Variants in CCDC88C observed in about 807,000 individuals in gnomAD.
CCDC88C encodes protein Daple.
In CCDC88C, 131 loss-of-function variants were observed where a neutral mutation model predicts 198.8. The observed-to-expected ratio is 0.66, with a 90% CI of 0.57 to 0.76. The LOEUF is 0.76. Ranked by LOEUF, CCDC88C falls within the 30% of genes least tolerant of loss-of-function variation. CCDC88C has a pLI of 0.00. For missense variants in CCDC88C, 2,553 were observed against 2,631.6 expected (o/e 0.97, Z 0.65); for synonymous variants, 1,166 against 1,114.7 (o/e 1.05, Z -0.92).
Position 91,325,762 on chromosome 14 carries a change from TG to T in CCDC88C, c.1197+147del. 1 of 687,860 alleles carries T rather than the reference TG, an allele frequency of 1.5e-6. No individual in the cohort carries two copies. The highest frequency in any genetic ancestry group is 2.4e-6 in the Non-Finnish European group (1 of 420,048). The allele number at this position is 687,860 out of a possible 1,614,324, so 42.6% of individuals were successfully genotyped here. ...CCCAATTATTTAGTTTTCGTAGAGA[TG>T]GGGCCTCGCTAGGTTGCCAGGGTTA... is the stretch of plus-strand genomic sequence containing the variant. On this transcript the variant is annotated intron_variant, in intron 11 of 29. Transcript: ENST00000389857. This position sits in a 1 kb window ranked among gnomAD's most constrained non-coding sequence, Gnocchi z 4.1.
chr14:91,330,444 G>A (rs1265408661), intron 10 of CCDC88C, among the ~76,000 whole-genome samples: 1 of 152,222 alleles, frequency 6.6e-6, no homozygotes, highest in East Asian at 1.9e-4. Context: ...CAGCAGGACA[G>A]ACAGAGGCAG....
chr14:91,308,634 G>C, intron 16 of CCDC88C, 142 bp from the exon 17 acceptor site: 1 of 864,796 alleles, frequency 1.2e-6, no homozygotes, highest in Non-Finnish European at 1.8e-6. Context: ...GAACTCACGA[G>C]CCAAAACTCA....
At chr14:91,331,526 G>A (rs538660864) in intron 10 of CCDC88C, among the ~76,000 whole-genome samples, 6 of 150,726 alleles carry the variant, frequency 4.0e-5, no homozygotes, top group African/African-American at 7.3e-5. Context: ...ATGTGCACAC[G>A]TGTGTGTGCG....
intron 4 of CCDC88C, among the ~76,000 whole-genome samples, chr14:91,359,382 C>A (rs1053908259): frequency 5.9e-5 from 9 of 152,164 alleles, no homozygotes; most frequent in African/African-American, 1.9e-4. Flanking sequence ...CATGATCCGG[C>A]CGCCTGGGCC....
chr14:91,273,242 C>A lies in CCDC88C; in HGVS notation c.5470G>T (p.Glu1824Ter). The change falls in exon 30 of 30, where the codon GAG (glutamate) becomes TAG (stop). Residue 1824 changes from glutamate to a stop codon, truncating the protein, a stop_gained. Transcript: ENST00000389857. LOFTEE classifies it low-confidence loss of function (END_TRUNC). This position sits in a 1 kb window ranked among gnomAD's most constrained non-coding sequence, Gnocchi z 5.6. ...RASGPEACKQ[E>*]SPQKLGAPEA... is the part of the protein sequence containing the mutation. The stretch of plus-strand genomic sequence containing the variant: ...GGAGCCCCCAGCTTCTGAGGGGACT[C>A]CTGTTTGCAGGCCTCTGGCCCGCTG... The A allele has an allele frequency of 6.4e-7, 1 of 1,559,894 alleles. No individual in the cohort carries two copies. The highest frequency in any genetic ancestry group is 8.7e-7 in the Non-Finnish European group (1 of 1,151,910).
rs1890531287 is a variant in CCDC88C at position 91,288,827 on chromosome 14, C to T, written c.4441+278G>A. 3.3e-6 allele frequency: 1 copy of T among 307,164 alleles called. No homozygotes were observed. Among genetic ancestry groups the T allele is most frequent in the East Asian group, 5.8e-5 (1 of 17,218 alleles). The allele number at this position is 307,164 out of a possible 1,614,324, so 19.0% of individuals were successfully genotyped here. ...GCTGAGGCAGGAGAATCACTTGAAC[C>T]TGGGAGGCAGCCAGGCTGCACTCTA... On this transcript the variant is annotated intron_variant, in intron 25 of 29. Transcript: ENST00000389857. This position sits in a 1 kb window ranked among gnomAD's most constrained non-coding sequence, Gnocchi z 4.2.
At chr14:91,321,078 A>G (rs746999694) in intron 13 of CCDC88C, 42 bp downstream of exon 13, 8 of 1,548,376 alleles carry the variant, frequency 5.2e-6, no homozygotes, top group Middle Eastern at 2.4e-4. Flanking sequence ...AGGGTGCCCA[A>G]GGGTTCTGTG....
chr14:91,363,680 A>G (rs376425836), intron 3 of CCDC88C, among the ~76,000 whole-genome samples: 1 of 152,272 alleles, frequency 6.6e-6, no homozygotes, highest in East Asian at 1.9e-4. Flanking sequence ...ACTGAGTACC[A>G]GTTTTTAAAT....
chr14:91,311,627 C>A (rs1891827817), intron 15 of CCDC88C, among the ~76,000 whole-genome samples: 1 of 152,226 alleles, frequency 6.6e-6, no homozygotes. Flanking sequence ...AGGGTCCCCA[C>A]ACTAGACCCT....
intron 3 of CCDC88C, among the ~76,000 whole-genome samples, chr14:91,372,528 C>CGG (rs199749681): frequency 0.014 from 348 of 24,496 alleles, 7 homozygotes; most frequent in East Asian, 0.063. Context: ...GGCAGTGGTG[C>CGG]GGGGGGGGGC....
chr14:91,381,393 C>T lies in CCDC88C; in HGVS notation c.271-21682G>A, dbSNP rs1884781636. Among the ~76,000 whole-genome samples, 1 of 152,214 alleles carries T rather than the reference C, an allele frequency of 6.6e-6. No homozygotes were observed. Among genetic ancestry groups the T allele is most frequent in the African/African-American group, 2.4e-5 (1 of 41,450 alleles). On this transcript the variant is annotated intron_variant, in intron 3 of 29. Coordinates refer to ENST00000389857, the MANE Select transcript of CCDC88C (RefSeq NM_001080414.4). This position sits in a 1 kb window ranked among gnomAD's most constrained non-coding sequence, Gnocchi z 4.2. Reference sequence around the variant, plus strand: ...TTTTGGGTTTAGGATGTGATCTTCTCTATATTCTCTATGCCCACGAAAGTT... The same window carrying T: ...TTTTGGGTTTAGGATGTGATCTTCTTTATATTCTCTATGCCCACGAAAGTT...
intron 3 of CCDC88C, among the ~76,000 whole-genome samples, chr14:91,393,494 C>T (rs1413062746): frequency 6.6e-6 from 1 of 152,202 alleles, no homozygotes; most frequent in Non-Finnish European, 1.5e-5. Context: ...GATCTGGCTT[C>T]CTCTGAAGGT....
chr14:91,338,512 C>T lies in CCDC88C; in HGVS notation c.868G>A (p.Glu290Lys). 2 of 1,570,580 alleles carry T rather than the reference C, an allele frequency of 1.3e-6. No individual in the cohort carries two copies. Among genetic ancestry groups the T allele is most frequent in the East Asian group, 2.4e-5 (1 of 42,088 alleles). The change falls in exon 9 of 30, where the codon GAA becomes AAA. Residue 290 changes from glutamate (E) to lysine (K), a missense_variant. By Grantham distance (56) the Glu-to-Lys change is moderately conservative. Transcript: ENST00000389857. The surrounding 1 kb of genome is among the most constrained non-coding windows in gnomAD (Gnocchi z 4.8). ...TRHEVDQLVL[E>K]LQKVKQENIQ... ...ACCTCCTGCTTAACTTTCTGCAGTT[C>T]CAGCACCAGCTGGTCCACCTCATGT...
Position 91,276,156 on chromosome 14 carries a change from C to T in CCDC88C, c.5058+1766G>A, listed in dbSNP as rs149167002. Among the ~76,000 whole-genome samples the T allele has an allele frequency of 8.5e-5, 13 of 152,314 alleles. No individual in the cohort carries two copies. The East Asian group carries it at 1.5e-3, about 18-fold the overall frequency. On this transcript the variant is annotated intron_variant, in intron 29 of 29. Transcript: ENST00000389857. ...TCTTAAACCATGGTGCCTACCCAGC[C>T]GCAAGACCATTATCTGGAATTTATA...
intron 4 of CCDC88C, among the ~76,000 whole-genome samples, chr14:91,345,964 A>C (rs1465727396): frequency 6.6e-6 from 1 of 151,898 alleles, no homozygotes; most frequent in African/African-American, 2.4e-5. Context: ...CTTTTTCGTT[A>C]TATCCTATTG....
intron 3 of CCDC88C, among the ~76,000 whole-genome samples, chr14:91,404,134 T>C (rs917708479): frequency 1.3e-5 from 2 of 152,112 alleles, no homozygotes; most frequent in Non-Finnish European, 2.9e-5. Flanking sequence ...TGTCCCCACA[T>C]TGGACAGGCC....
chr14:91,354,372 C>T (rs1269386098), intron 4 of CCDC88C, among the ~76,000 whole-genome samples: 2 of 152,222 alleles, frequency 1.3e-5, no homozygotes, highest in Non-Finnish European at 2.9e-5. Context: ...GGAGGGACCC[C>T]GGAGCTGGTC....
intron 3 of CCDC88C, among the ~76,000 whole-genome samples, chr14:91,364,704 G>A (rs1894451139): frequency 1.3e-5 from 2 of 152,140 alleles, no homozygotes; most frequent in Non-Finnish European, 2.9e-5. Context: ...GTCTGCACAC[G>A]GTGTCAACAA....
At chr14:91,402,872 C>T (rs1449989459) in intron 3 of CCDC88C, among the ~76,000 whole-genome samples, 1 of 152,170 alleles carries the variant, frequency 6.6e-6, no homozygotes, top group Non-Finnish European at 1.5e-5. Context: ...CTAAGGCACC[C>T]GGGCTGTATT....
Sources: gnomAD v4.1 joint callset for allele counts (sites outside exome capture counted in the v4.1 genomes callset) on GRCh38, gnomAD v4.1.1 for gene constraint, Gnocchi (gnomAD v3.1) non-coding constraint, MANE v1.5 for transcripts, NCBI Gene and HGNC (gene_info 2026-07-23, HGNC 2026-07-21) for gene names.